The following NOTCH1 variants were observed in gnomAD, a reference collection of about 807,000 sequenced individuals.
NOTCH1 encodes the protein neurogenic locus notch homolog protein 1.
NOTCH1 carries 37 observed loss-of-function variants against 254.8 expected under a neutral mutation model. That is an observed-to-expected ratio of 0.15 (90% CI 0.11 to 0.19). The LOEUF (loss-of-function observed/expected upper bound fraction) is 0.19, where lower values mean the gene tolerates loss of function less well. NOTCH1 is among the 10% of genes least tolerant of loss of function. The pLI, the probability that NOTCH1 is intolerant of heterozygous loss-of-function variation, is 1.00. For synonymous variants in NOTCH1, 1,731 were observed against 1,618.1 expected (o/e 1.07, Z -1.68); for missense variants, 2,972 against 3,708.6 (o/e 0.80, Z 5.16).
Position 136,494,578 on chromosome 9 carries a change from A to G in NOTCH1, c.*1493T>C. The G allele has an allele frequency of 5.0e-6, 2 of 399,016 alleles. No individual in the cohort carries two copies. The highest frequency in any genetic ancestry group is 8.8e-6 in the Non-Finnish European group (2 of 226,064). The allele number at this position is 399,016 out of a possible 1,614,324, so 24.7% of individuals were successfully genotyped here. A position where few individuals can be genotyped will look rare whatever the true frequency, so the allele number is the denominator to read the frequency against. ...ACACTCTATTTTATAAAACACAGTA[A>G]AAATCAACATCTTGGGACGCATCTG... On this transcript the variant is annotated 3_prime_UTR_variant, in exon 34 of 34. Transcript: ENST00000651671.
Position 136,505,897 on chromosome 9 carries a change from G to A in NOTCH1, c.4015-16C>T, listed in dbSNP as rs2133341380. On this transcript the variant is annotated splice_polypyrimidine_tract_variant and intron_variant, in intron 24 of 33. Coordinates refer to ENST00000651671, the MANE Select transcript of NOTCH1 (RefSeq NM_017617.5). ...CCTCGAAGCCCTGCCCGAGAGGGAAGACAGGACGGTGTCGGGGTGGGCCAC... is the reference window on the plus strand; with the variant it reads ...CCTCGAAGCCCTGCCCGAGAGGGAAAACAGGACGGTGTCGGGGTGGGCCAC... 1 of 1,577,452 alleles carries A rather than the reference G, an allele frequency of 6.3e-7. No individual in the cohort carries two copies. Among genetic ancestry groups the A allele is most frequent in the Non-Finnish European group, 8.5e-7 (1 of 1,170,888 alleles).
rs2133361400 is a variant in NOTCH1 at position 136,514,721 on chromosome 9, A to T, written c.2015-19T>A. On this transcript the variant is annotated intron_variant, in intron 12 of 33. Coordinates refer to ENST00000651671, the MANE Select transcript of NOTCH1 (RefSeq NM_017617.5). Reference sequence around the variant, plus strand: ...ATGCTCCCTAAGGGCAGGGCGGGTCAGACTCCGAGGCCCAGCGCCCAGGGG... The same window carrying T: ...ATGCTCCCTAAGGGCAGGGCGGGTCTGACTCCGAGGCCCAGCGCCCAGGGG... 1 of 1,609,770 alleles carries T rather than the reference A, an allele frequency of 6.2e-7. No homozygotes were observed. The highest frequency in any genetic ancestry group is 1.1e-5 in the South Asian group (1 of 90,486).
chr9:136,498,184 C>T (rs967276712), intron 33 of NOTCH1, among the ~76,000 whole-genome samples: 1 of 151,410 alleles, frequency 6.6e-6, no homozygotes, highest in Admixed American at 6.6e-5. Flanking sequence ...TGTGCCCTCA[C>T]CCAGGAGGGA....
rs2133408498 is a variant in NOTCH1 at position 136,545,704 on chromosome 9, T to G, written c.61+22A>C. The G allele has an allele frequency of 1.8e-5, 25 of 1,421,820 alleles. No individual in the cohort carries two copies. The highest frequency in any genetic ancestry group is 2.2e-5 in the Non-Finnish European group (24 of 1,088,908). 88.1% of individuals were successfully genotyped at this position (1,421,820 alleles called of 1,614,324 possible). A position where few individuals can be genotyped will look rare whatever the true frequency, so the allele number is the denominator to read the frequency against. On this transcript the variant is annotated intron_variant, in intron 1 of 33. Transcript: ENST00000651671. This position sits in a 1 kb window ranked among gnomAD's most constrained non-coding sequence, Gnocchi z 6.8. ...TCCAAAGGGCGCGGAAAGTGGGGGC[T>G]CGCGGGTGGGTGGGCGCCTACCTCG...
chr9:136,524,859 A>C (rs914842273), intron 2 of NOTCH1, among the ~76,000 whole-genome samples: 4 of 151,740 alleles, frequency 2.6e-5, no homozygotes, highest in Admixed American at 2.6e-4. Context: ...GCTGGTCTTG[A>C]TCTCTTGACC....
chr9:136,502,503 G>T lies in NOTCH1; in HGVS notation c.5168-15C>A. On this transcript the variant is annotated splice_polypyrimidine_tract_variant and intron_variant, in intron 27 of 33. Coordinates refer to ENST00000651671, the MANE Select transcript of NOTCH1 (RefSeq NM_017617.5). ...CACGGTCTCACCTGCGGGCACGGGG[G>T]CCAGGGGCAGGTGCCCGGACATCAG... The T allele has an allele frequency of 1.3e-6, 2 of 1,490,400 alleles. No homozygotes were observed. The highest frequency in any genetic ancestry group is 1.8e-6 in the Non-Finnish European group (2 of 1,120,054). 92.3% of individuals were successfully genotyped at this position (1,490,400 alleles called of 1,614,324 possible). A position where few individuals can be genotyped will look rare whatever the true frequency, so the allele number is the denominator to read the frequency against.
intron 10 of NOTCH1, 113 bp downstream of exon 10, chr9:136,515,867 CG>C (rs2133364796): frequency 1.7e-6 from 2 of 1,144,066 alleles, no homozygotes; most frequent in Non-Finnish European, 1.3e-6. Context: ...GCTGTGCTCT[CG>C]GCCTCTGGAC....
Position 136,496,174 on chromosome 9 carries a change from C to A in NOTCH1, c.7565G>T (p.Ser2522Ile). Residue 2522 changes from serine to isoleucine, a missense_variant, in exon 34 of 34, where the codon AGC (serine) becomes ATC (isoleucine). This residue lies in a region of NOTCH1 where 85 missense variants were observed against 126.1 expected (regional missense o/e 0.67). Transcript: ENST00000651671. ...PSPESPDQWS[S>I]SSPHSNVSDW... ...GGAGACGTTGGAATGCGGGGACGAG[C>A]TGGACCACTGGTCAGGGGACTCAGG... The A allele has an allele frequency of 6.2e-7, 1 of 1,610,390 alleles. No homozygotes were observed. The highest frequency in any genetic ancestry group is 8.5e-7 in the Non-Finnish European group (1 of 1,179,522).
intron 18 of NOTCH1, 75 bp from the exon 19 acceptor site, chr9:136,509,146 C>G: frequency 7.3e-7 from 1 of 1,362,588 alleles, no homozygotes; most frequent in Non-Finnish European, 1.0e-6. Context: ...TCTGCCTCGC[C>G]AGCACCTCCC....
intron 6 of NOTCH1, 61 bp from the exon 7 acceptor site, chr9:136,518,353 C>T (rs530619078): frequency 3.8e-5 from 59 of 1,555,542 alleles, no homozygotes; most frequent in East Asian, 7.1e-5. Context: ...ACACCACCCA[C>T]GGCTGGGGTC....
In NOTCH1 at chr9:136,538,036, C is replaced by T. The variant is rs149615556; in HGVS notation, c.140+5988G>A. Among the ~76,000 whole-genome samples, 646 of 152,254 alleles carry T rather than the reference C, an allele frequency of 4.2e-3. 6 individuals carry two copies. The highest frequency in any genetic ancestry group is 0.014 in the African/African-American group (600 of 41,544). ...CAGAGGTTACAGTGAGCCAAGACTG[C>T]GTCACTCTAATCCAGTCTGGGTGAC... On this transcript the variant is annotated intron_variant, in intron 2 of 33. Coordinates refer to ENST00000651671, the MANE Select transcript of NOTCH1 (RefSeq NM_017617.5).
chr9:136,501,288 G>A (rs1160633578), intron 30 of NOTCH1, among the ~76,000 whole-genome samples: 1 of 152,080 alleles, frequency 6.6e-6, no homozygotes, highest in Non-Finnish European at 1.5e-5. Flanking sequence ...ACAAAAATTA[G>A]CCAGGTGTGG....
rs1472588655 is a variant in NOTCH1 at position 136,545,833 on chromosome 9, C to T, written c.-47G>A. 1.8e-6 allele frequency: 2 copies of T among 1,123,208 alleles called. No homozygotes were observed. Among genetic ancestry groups the T allele is most frequent in the African/African-American group, 1.7e-5 (1 of 60,494 alleles). The allele number at this position is 1,123,208 out of a possible 1,614,324, so 69.6% of individuals were successfully genotyped here. On this transcript the variant is annotated 5_prime_UTR_variant, in exon 1 of 34. Transcript: ENST00000651671. This position sits in a 1 kb window ranked among gnomAD's most constrained non-coding sequence, Gnocchi z 6.8. ...TGCGCCCGGGCGGCGGCCTCCTGCG[C>T]TGGCCGGCGGGGCTGGGACGCACAC...
In NOTCH1 at chr9:136,545,412, C is replaced by A. The variant is rs1417536741; in HGVS notation, c.61+314G>T. Among the ~76,000 whole-genome samples the A allele has an allele frequency of 6.6e-6, 1 of 151,822 alleles. No homozygotes were observed. Among genetic ancestry groups the A allele is most frequent in the Non-Finnish European group, 1.5e-5 (1 of 67,908 alleles). On this transcript the variant is annotated intron_variant, in intron 1 of 33. Coordinates refer to ENST00000651671, the MANE Select transcript of NOTCH1 (RefSeq NM_017617.5). The surrounding 1 kb of genome is among the most constrained non-coding windows in gnomAD (Gnocchi z 6.8). The stretch of plus-strand genomic sequence containing the variant: ...GCAGCCCGCCCGCCCGGCCGACCGG[C>A]GGCAAGCCCCACGCGCGGCGGGTGA...
At chr9:136,530,986 G>A (rs976835651) in intron 2 of NOTCH1, among the ~76,000 whole-genome samples, 2 of 152,368 alleles carry the variant, frequency 1.3e-5, no homozygotes, top group South Asian at 2.1e-4. Context: ...AGATCCTGTC[G>A]CTGGGGGTGG....
chr9:136,522,493 GCTCCC>G, intron 4 of NOTCH1: 2 of 284,982 alleles, frequency 7.0e-6, no homozygotes, highest in Admixed American at 9.8e-5. Context: ...TGCCCCCGCA[GCTCCC>G]ACGCCCTCTC....
intron 5 of NOTCH1, among the ~76,000 whole-genome samples, chr9:136,519,190 G>T (rs1040267581): frequency 4.6e-5 from 7 of 152,228 alleles, no homozygotes; most frequent in African/African-American, 1.7e-4. Flanking sequence ...CACAGGGGCT[G>T]CCTGGAGCCA....
Position 136,522,970 on chromosome 9 carries a change from C to T in NOTCH1, c.622G>A (p.Ala208Thr), listed in dbSNP as rs745817995. 1.1e-5 allele frequency: 17 copies of T among 1,557,452 alleles called. 1 individual carries two copies. The highest frequency in any genetic ancestry group is 5.9e-5 in the South Asian group (5 of 84,788). ...EVGSYRCVCR[A>T]THTGPNCERP... The stretch of plus-strand genomic sequence containing the variant: ...TCGCAGTTGGGGCCAGTGTGGGTGG[C>T]GCGGCAGACGCAGCGGTAGGAGCCG... The change falls in exon 4 of 34, where the codon GCC (alanine) becomes ACC (threonine). Residue 208 changes from alanine (A) to threonine (T), a missense_variant. Transcript: ENST00000651671.
At chr9:136,518,086 G>C (rs1350982604) in intron 7 of NOTCH1, 51 bp downstream of exon 7, 1 of 1,557,280 alleles carries the variant, frequency 6.4e-7, no homozygotes, top group African/African-American at 1.4e-5. Flanking sequence ...CATCGGTTCT[G>C]GGGCCAGGCT....
Sources: allele counts gnomAD v4.1 joint callset (sites outside exome capture counted in the v4.1 genomes callset), GRCh38; gene constraint gnomAD v4.1.1; regional missense constraint gnomAD v4.1.1; non-coding constraint Gnocchi (gnomAD v3.1); transcripts MANE v1.5; gene names NCBI Gene and HGNC (gene_info 2026-07-23, HGNC 2026-07-21).